CSGALNACT1: variants seen among roughly 807,000 people sequenced by gnomAD.
CSGALNACT1 encodes the protein beta4GalNAcT-1.
CSGALNACT1 carries 52 observed loss-of-function variants against 51.0 expected under a neutral mutation model. The observed-to-expected ratio is 1.02, with a 90% confidence interval of 0.82 to 1.29. The LOEUF (loss-of-function observed/expected upper bound fraction) is 1.29, where lower values mean the gene tolerates loss of function less well. Among genes scored for constraint, CSGALNACT1 ranks in the 50% most tolerant of loss-of-function variants. CSGALNACT1 has a pLI of 0.00. For synonymous variants in CSGALNACT1, 341 were observed against 254.4 expected (o/e 1.34, Z -3.24); for missense variants, 935 against 679.2 (o/e 1.38, Z -4.19).
chr8:19,564,807 T>C (rs116265993), intron 3 of CSGALNACT1, among the ~76,000 whole-genome samples: 1 of 152,234 alleles, frequency 6.6e-6, no homozygotes, highest in Non-Finnish European at 1.5e-5. Flanking sequence ...ATTGGCTACC[T>C]TGCCCCATGA....
intron 1 of CSGALNACT1, among the ~76,000 whole-genome samples, chr8:19,688,250 G>T (rs2154213288): frequency 6.6e-6 from 1 of 152,248 alleles, no homozygotes; most frequent in African/African-American, 2.4e-5. Flanking sequence ...GAGTTGATTG[G>T]TAAGATCTTT....
intron 1 of CSGALNACT1, among the ~76,000 whole-genome samples, chr8:19,675,563 G>A (rs975735837): frequency 6.6e-6 from 1 of 152,054 alleles, no homozygotes; most frequent in Admixed American, 6.6e-5. Context: ...CGCGATCTTG[G>A]CTCCCTATCA....
chr8:19,737,305 TG>T (rs796945235), intron 1 of CSGALNACT1, among the ~76,000 whole-genome samples: 94 of 152,012 alleles, frequency 6.2e-4, no homozygotes, highest in African/African-American at 2.1e-3. Flanking sequence ...AAACTGTGAC[TG>T]GGAAAAAAAA....
At chr8:19,630,714 G>A (rs926017324) in intron 1 of CSGALNACT1, among the ~76,000 whole-genome samples, 2 of 152,150 alleles carry the variant, frequency 1.3e-5, no homozygotes, top group Non-Finnish European at 2.9e-5. Context: ...ATGTCATATA[G>A]TTGGAACTAC....
intron 1 of CSGALNACT1, among the ~76,000 whole-genome samples, chr8:19,658,971 G>C (rs1456623707): frequency 6.6e-6 from 1 of 152,176 alleles, no homozygotes; most frequent in African/African-American, 2.4e-5. Context: ...ACCTGTTGGA[G>C]CTGTGAATAA....
At chr8:19,611,624 G>A (rs2052275439) in intron 1 of CSGALNACT1, among the ~76,000 whole-genome samples, 1 of 152,190 alleles carries the variant, frequency 6.6e-6, no homozygotes, top group Non-Finnish European at 1.5e-5. Flanking sequence ...TGGTCTGAAT[G>A]CAGAGTCGAA....
chr8:19,701,410 T>A (rs2061872123), intron 1 of CSGALNACT1, among the ~76,000 whole-genome samples: 1 of 152,084 alleles, frequency 6.6e-6, no homozygotes, highest in Admixed American at 6.5e-5. Flanking sequence ...CACCTTGGCC[T>A]CCCCAAGTGC....
intron 3 of CSGALNACT1, among the ~76,000 whole-genome samples, chr8:19,577,829 C>G (rs145615301): frequency 6.6e-6 from 1 of 152,154 alleles, no homozygotes; most frequent in Non-Finnish European, 1.5e-5. Flanking sequence ...GTTAGAGAGG[C>G]GGCTGAGATG....
At chr8:19,483,107 C>A (rs369743365) in intron 4 of CSGALNACT1, among the ~76,000 whole-genome samples, 1 of 152,226 alleles carries the variant, frequency 6.6e-6, no homozygotes, top group East Asian at 1.9e-4. Flanking sequence ...GAATCACCCA[C>A]TTCTCTTATC....
chr8:19,742,402 G>A (rs1385393496), intron 1 of CSGALNACT1, among the ~76,000 whole-genome samples: 5 of 152,188 alleles, frequency 3.3e-5, no homozygotes, highest in East Asian at 1.9e-4. Flanking sequence ...CTTTTCAACC[G>A]TGGGGCCTCT....
At chr8:19,458,542 G>C in exon 5 of CSGALNACT1, 1 of 1,614,150 alleles carries the variant, frequency 6.2e-7, no homozygotes, top group African/African-American at 1.3e-5. Flanking sequence ...TGATGGGGCC[G>C]AATGGTCGAA....
chr8:19,529,403 T>G (rs2082312084), intron 3 of CSGALNACT1, among the ~76,000 whole-genome samples: 1 of 152,174 alleles, frequency 6.6e-6, no homozygotes, highest in Non-Finnish European at 1.5e-5. Context: ...CAGCTCTTCC[T>G]CCTGGCTCCT....
At chr8:19,492,548 C>A (rs573237962) in intron 4 of CSGALNACT1, among the ~76,000 whole-genome samples, 10 of 152,300 alleles carry the variant, frequency 6.6e-5, no homozygotes, top group African/African-American at 2.4e-4. Flanking sequence ...AGCTAGCCTG[C>A]CAACCTGGGC....
intron 3 of CSGALNACT1, among the ~76,000 whole-genome samples, chr8:19,543,619 T>C (rs963349554): frequency 6.6e-6 from 1 of 152,188 alleles, no homozygotes; most frequent in Non-Finnish European, 1.5e-5. Context: ...AGGCAGAAAC[T>C]GCATACATGT....
At chr8:19,605,016 T>C (rs1189008471), upstream of CSGALNACT1, among the ~76,000 whole-genome samples, 1 of 151,928 alleles carries the variant, frequency 6.6e-6, no homozygotes, top group Non-Finnish European at 1.5e-5. Context: ...GGCTGCCATG[T>C]TGGCCTCAGG....
intron 3 of CSGALNACT1, among the ~76,000 whole-genome samples, chr8:19,516,125 T>C (rs952631137): frequency 1.3e-5 from 2 of 152,158 alleles, no homozygotes; most frequent in Non-Finnish European, 2.9e-5. Flanking sequence ...CCCTCGTTCA[T>C]AATTACAAGC....
chr8:19,464,445 C>T (rs1466502189), intron 4 of CSGALNACT1, among the ~76,000 whole-genome samples: 1 of 152,170 alleles, frequency 6.6e-6, no homozygotes, highest in East Asian at 1.9e-4. Flanking sequence ...GCCCCACCTA[C>T]TGTACTAGTT....
At chr8:19,533,276 C>G (rs1039590580) in intron 3 of CSGALNACT1, among the ~76,000 whole-genome samples, 3 of 151,960 alleles carry the variant, frequency 2.0e-5, no homozygotes, top group African/African-American at 4.8e-5. Flanking sequence ...ACCACCACAC[C>G]TAGCTAATTT....
intron 5 of CSGALNACT1, among the ~76,000 whole-genome samples, chr8:19,453,376 T>C (rs2063529951): frequency 6.6e-6 from 1 of 152,010 alleles, no homozygotes; most frequent in Non-Finnish European, 1.5e-5. Flanking sequence ...AATAGATATG[T>C]CAGAAAATCA....
Sources: allele counts gnomAD v4.1 joint callset (sites outside exome capture counted in the v4.1 genomes callset), GRCh38; gene constraint gnomAD v4.1.1; transcripts MANE v1.5; gene names NCBI Gene and HGNC (gene_info 2026-07-23, HGNC 2026-07-21).